CELSR1: variants seen among roughly 807,000 people sequenced by gnomAD.
The protein encoded by CELSR1 is adhesion G protein-coupled receptor C1.
A neutral mutation model predicts 249.1 loss-of-function variants in CELSR1; 110 were observed. That is an observed-to-expected ratio of 0.44 (90% confidence interval 0.38 to 0.52). The LOEUF (loss-of-function observed/expected upper bound fraction) is 0.52, where lower values mean the gene tolerates loss of function less well. CELSR1 is among the 20% of genes least tolerant of loss of function. The pLI is 0.00. For missense variants in CELSR1, 4,109 were observed against 4,296.4 expected (o/e 0.96, Z 1.22); for synonymous variants, 2,113 against 1,900.0 (o/e 1.11, Z -2.92).
rs1212537816 is a variant in CELSR1 at position 46,433,655 on chromosome 22, T to C, written c.4523-174A>G. 6.6e-6 allele frequency among the ~76,000 whole-genome samples: 1 copy of C among 152,202 alleles called. No individual in the cohort carries two copies. Among genetic ancestry groups the C allele is most frequent in the African/African-American group, 2.4e-5 (1 of 41,452 alleles). On this transcript the variant is annotated intron_variant, in intron 4 of 34. Transcript: ENST00000674500. The surrounding 1 kb of genome is among the most constrained non-coding windows in gnomAD (Gnocchi z 5.7). ...CCACCACTCCATCCATTTTCTTTTC[T>C]GGTTACAAAAGTAATTCTTGTTCCT... is the stretch of plus-strand genomic sequence containing the variant.
At chr22:46,469,716 G>A (rs1336174067) in intron 1 of CELSR1, among the ~76,000 whole-genome samples, 2 of 151,304 alleles carry the variant, frequency 1.3e-5, no homozygotes, top group East Asian at 2.0e-4. Flanking sequence ...GTTTCACCAC[G>A]TAGGCCAGGC....
At chr22:46,431,971 C>G (rs1324719545) in intron 5 of CELSR1, among the ~76,000 whole-genome samples, 1 of 152,216 alleles carries the variant, frequency 6.6e-6, no homozygotes, top group Admixed American at 6.5e-5. Context: ...CAGACACCTG[C>G]CAGCCTTCTC....
intron 1 of CELSR1, among the ~76,000 whole-genome samples, chr22:46,467,889 G>A (rs1032934040): frequency 6.6e-6 from 1 of 152,096 alleles, no homozygotes. Context: ...AAAAGGATGG[G>A]GTGGCAGGGA....
rs182519540 is a variant in CELSR1 at position 46,434,978 on chromosome 22, A to G, written c.4522+1196T>C. Among the ~76,000 whole-genome samples, 5 of 152,178 alleles carry G rather than the reference A, an allele frequency of 3.3e-5. No individual in the cohort carries two copies. In the East Asian group the frequency reaches 9.7e-4, roughly 29 times the overall value. On this transcript the variant is annotated intron_variant, in intron 4 of 34. Transcript: ENST00000674500. This position sits in a 1 kb window ranked among gnomAD's most constrained non-coding sequence, Gnocchi z 4.9. Reference sequence around the variant, plus strand: ...CACCACTGCACTCCAGCCTGGGTGAAAGAGTAAGACTTTGTCTCAAAAGAA... The same window carrying G: ...CACCACTGCACTCCAGCCTGGGTGAGAGAGTAAGACTTTGTCTCAAAAGAA...
chr22:46,481,736 C>G (rs377006300), intron 1 of CELSR1: 1 of 504,178 alleles, frequency 2.0e-6, no homozygotes, highest in Admixed American at 3.6e-5. Context: ...TGCTGCAGCT[C>G]CCCAGTGGCA....
At position 46,477,845 on chromosome 22, in the gene CELSR1, G is replaced by A. The variant is rs146363340; in HGVS notation, c.3545-13500C>T. On this transcript the variant is annotated intron_variant, in intron 1 of 34. Coordinates refer to ENST00000674500, the MANE Select transcript of CELSR1 (RefSeq NM_001378328.1). ...ATAAGAAGAAAAAGGAGGAACCCCC[G>A]GGCTTCAGCTTCCAGGACAGGTACC... Among the ~76,000 whole-genome samples the A allele has an allele frequency of 7.0e-3, 1,069 of 152,152 alleles. 15 individuals are homozygous for A. Among genetic ancestry groups the A allele is most frequent in the African/African-American group, 0.025 (1,022 of 41,510 alleles).
At chr22:46,521,749 A>T (rs921130695) in intron 1 of CELSR1, among the ~76,000 whole-genome samples, 1 of 147,734 alleles carries the variant, frequency 6.8e-6, no homozygotes, top group Non-Finnish European at 1.5e-5. Flanking sequence ...CCCAGGAGGT[A>T]GAGGCCGCAG....
intron 1 of CELSR1, among the ~76,000 whole-genome samples, chr22:46,501,959 A>T (rs1422007557): frequency 1.3e-5 from 2 of 152,084 alleles, no homozygotes; most frequent in Non-Finnish European, 2.9e-5. Flanking sequence ...TAAACTACTC[A>T]GAAAACTGCC....
rs1368601666 is a variant in CELSR1 at position 46,381,839 on chromosome 22, G to C, written c.7088+7C>G. 1.3e-6 allele frequency: 2 copies of C among 1,546,224 alleles called. No homozygotes were observed. Among genetic ancestry groups the C allele is most frequent in the Non-Finnish European group, 1.7e-6 (2 of 1,149,390 alleles). On this transcript the variant is annotated splice_region_variant and intron_variant, in intron 21 of 34. Coordinates refer to ENST00000674500, the MANE Select transcript of CELSR1 (RefSeq NM_001378328.1). This position sits in a 1 kb window ranked among gnomAD's most constrained non-coding sequence, Gnocchi z 6.0. ...CCCTCCCCGTGTGCCCCGTGCCCAG[G>C]CCTTACCGGAGGCTGCGACGGTCGG...
chr22:46,394,398 C>T (rs1281577408), intron 13 of CELSR1, 136 bp from the exon 14 acceptor site: 9 of 987,830 alleles, frequency 9.1e-6, no homozygotes, highest in African/African-American at 6.5e-5. Context: ...TCCCCTTCCA[C>T]GTTACATGGC....
At chr22:46,509,406 C>T (rs567451364) in intron 1 of CELSR1, among the ~76,000 whole-genome samples, 56 of 152,308 alleles carry the variant, frequency 3.7e-4, no homozygotes, top group Non-Finnish European at 6.6e-4. Flanking sequence ...CTACCTGGGA[C>T]CCACAGGCTA....
chr22:46,398,769 G>T lies in CELSR1; in HGVS notation c.5413-132C>A. On this transcript the variant is annotated intron_variant, in intron 10 of 34. Coordinates refer to ENST00000674500, the MANE Select transcript of CELSR1 (RefSeq NM_001378328.1). The surrounding 1 kb of genome is among the most constrained non-coding windows in gnomAD (Gnocchi z 7.2). The stretch of plus-strand genomic sequence containing the variant: ...CTCCGCAGAGCCTGAGGACATCTGG[G>T]CCTCCAAAGAGAGAGCTGGGCCCAG... The T allele has an allele frequency of 1.5e-6, 1 of 659,464 alleles. No homozygotes were observed. 40.9% of individuals were successfully genotyped at this position (659,464 alleles called of 1,614,324 possible).
chr22:46,474,453 C>T (rs1271555934), intron 1 of CELSR1, among the ~76,000 whole-genome samples: 1 of 152,152 alleles, frequency 6.6e-6, no homozygotes, highest in Non-Finnish European at 1.5e-5. Context: ...CGGCGGCCAG[C>T]ACCCACCCCA....
chr22:46,454,163 G>C lies in CELSR1; in HGVS notation c.4183+9544C>G, dbSNP rs1487912170. On this transcript the variant is annotated intron_variant, in intron 2 of 34. Transcript: ENST00000674500. This position sits in a 1 kb window ranked among gnomAD's most constrained non-coding sequence, Gnocchi z 5.1. ...GGAGTGAGGTGAGGAAGGTGCCAGG[G>C]ACTAAGGACCAGGTGGCCTCCAGCA... Among the ~76,000 whole-genome samples the C allele has an allele frequency of 6.6e-6, 1 of 152,116 alleles. No individual in the cohort carries two copies. The highest frequency in any genetic ancestry group is 1.5e-5 in the Non-Finnish European group (1 of 68,004).
chr22:46,507,079 G>A (rs3788722), intron 1 of CELSR1, among the ~76,000 whole-genome samples: 32,480 of 152,106 alleles, frequency 0.21, 3,993 homozygotes, highest in Middle Eastern at 0.29. Flanking sequence ...CCAGCTACTC[G>A]GGAGGCTGAG....
rs532188538 is a variant in CELSR1, at chr22:46,441,908, G to A, written c.4184-2497C>T. Among the ~76,000 whole-genome samples the A allele has an allele frequency of 4.1e-4, 62 of 152,314 alleles. No individual in the cohort carries two copies. The highest frequency in any genetic ancestry group is 1.3e-3 in the African/African-American group (55 of 41,564). Reference sequence around the variant, plus strand: ...TCACGCCTGTAACCCCAGCACTTGGGGAGGCTGAGGCGGGTAGATTACCAG... The same window carrying A: ...TCACGCCTGTAACCCCAGCACTTGGAGAGGCTGAGGCGGGTAGATTACCAG... On this transcript the variant is annotated intron_variant, in intron 2 of 34. Transcript: ENST00000674500. This position sits in a 1 kb window ranked among gnomAD's most constrained non-coding sequence, Gnocchi z 6.1.
chr22:46,500,866 C>T lies in CELSR1; in HGVS notation c.3544+32761G>A, dbSNP rs985665976. 2.0e-5 allele frequency among the ~76,000 whole-genome samples: 3 copies of T among 152,070 alleles called. No individual in the cohort carries two copies. The highest frequency in any genetic ancestry group is 7.2e-5 in the African/African-American group (3 of 41,410). On this transcript the variant is annotated intron_variant, in intron 1 of 34. Transcript: ENST00000674500. The surrounding 1 kb of genome is among the most constrained non-coding windows in gnomAD (Gnocchi z 4.9). ...TCCCCCATCTGCGGGCAGAGCTGTCCTTGTAAGCACGCCCATGATGGGACC... is the reference window on the plus strand; with the variant it reads ...TCCCCCATCTGCGGGCAGAGCTGTCTTTGTAAGCACGCCCATGATGGGACC...
chr22:46,467,951 C>T (rs1042879391), intron 1 of CELSR1, among the ~76,000 whole-genome samples: 6 of 152,056 alleles, frequency 3.9e-5, no homozygotes, highest in South Asian at 2.1e-4. Context: ...AGCTGTCTTA[C>T]GATTAGCATG....
At chr22:46,469,545 T>G (rs2147613725) in intron 1 of CELSR1, among the ~76,000 whole-genome samples, 1 of 152,270 alleles carries the variant, frequency 6.6e-6, no homozygotes, top group Admixed American at 6.5e-5. Context: ...AGATGGAGTC[T>G]CGCTCTGTTG....
Sources: gnomAD v4.1 joint callset for allele counts (sites outside exome capture counted in the v4.1 genomes callset) on GRCh38, gnomAD v4.1.1 for gene constraint, Gnocchi (gnomAD v3.1) non-coding constraint, MANE v1.5 for transcripts, NCBI Gene and HGNC (gene_info 2026-07-23, HGNC 2026-07-21) for gene names.